CLSTN2: variants seen among roughly 807,000 people sequenced by gnomAD.
CLSTN2 encodes the protein calsyntenin 2, also known as calsyntenin-2.
A neutral mutation model predicts 101.2 loss-of-function variants in CLSTN2; 48 were observed. The ratio of observed to expected loss-of-function variants is 0.47; its 90% CI spans 0.38 to 0.60. The LOEUF (loss-of-function observed/expected upper bound fraction) is 0.60. CLSTN2 is among the 20% of genes least tolerant of loss of function. The pLI is 0.00. For missense variants in CLSTN2, 1,160 were observed against 1,238.2 expected (o/e 0.94, Z 0.95); for synonymous variants, 481 against 463.6 (o/e 1.04, Z -0.48).
intron 8 of CLSTN2, among the ~76,000 whole-genome samples, chr3:140,519,930 T>G (rs1429398782): frequency 6.6e-6 from 1 of 152,238 alleles, no homozygotes; most frequent in Non-Finnish European, 1.5e-5. Flanking sequence ...CAGTGTTTTT[T>G]GTAGTGGCTG....
intron 2 of CLSTN2, among the ~76,000 whole-genome samples, chr3:140,233,062 C>A (rs2086385027): frequency 6.6e-6 from 1 of 152,010 alleles, no homozygotes; most frequent in Non-Finnish European, 1.5e-5. Flanking sequence ...TTCAGTGCAC[C>A]CTATTACCCT....
chr3:140,265,503 A>G (rs1315324781), intron 2 of CLSTN2, among the ~76,000 whole-genome samples: 2 of 152,216 alleles, frequency 1.3e-5, no homozygotes, highest in Non-Finnish European at 2.9e-5. Context: ...AGGCCCCATG[A>G]GGCCAGCCTT....
At chr3:140,424,833 CTG>C (rs1476592849) in intron 5 of CLSTN2, among the ~76,000 whole-genome samples, 1 of 151,940 alleles carries the variant, frequency 6.6e-6, no homozygotes, top group African/African-American at 2.4e-5. Flanking sequence ...GCACAGAAGG[CTG>C]TGACTGGAGA....
At chr3:140,522,496 C>T (rs745601996) in intron 8 of CLSTN2, among the ~76,000 whole-genome samples, 44 of 152,194 alleles carry the variant, frequency 2.9e-4, no homozygotes, top group Non-Finnish European at 5.7e-4. Context: ...TCCTTTGGAG[C>T]AGGGGCTTTT....
chr3:140,251,666 T>C (rs1042684803), intron 2 of CLSTN2, among the ~76,000 whole-genome samples: 1 of 146,446 alleles, frequency 6.8e-6, no homozygotes, highest in Non-Finnish European at 1.5e-5. Flanking sequence ...CTTCCCTTTT[T>C]CCTTCCTTGT....
chr3:140,225,919 A>C (rs191887580), intron 2 of CLSTN2, among the ~76,000 whole-genome samples: 2 of 143,584 alleles, frequency 1.4e-5, no homozygotes, highest in Non-Finnish European at 3.0e-5. Flanking sequence ...ATTTTTTTTA[A>C]AAAAAAAAGG....
intron 8 of CLSTN2, among the ~76,000 whole-genome samples, chr3:140,504,398 C>T (rs768803480): frequency 1.3e-5 from 2 of 151,918 alleles, no homozygotes; most frequent in Non-Finnish European, 2.9e-5. Flanking sequence ...ACTATTCTGG[C>T]CACTGCTTTT....
At chr3:140,440,450 T>G (rs929407109) in intron 5 of CLSTN2, among the ~76,000 whole-genome samples, 4 of 152,240 alleles carry the variant, frequency 2.6e-5, no homozygotes, top group South Asian at 2.1e-4. Flanking sequence ...CGTGTTTTGT[T>G]TCTTTTTAAA....
At chr3:140,352,806 C>A (rs1219253579) in intron 2 of CLSTN2, among the ~76,000 whole-genome samples, 4 of 152,096 alleles carry the variant, frequency 2.6e-5, no homozygotes, top group Admixed American at 2.6e-4. Context: ...TCTCTTTCTA[C>A]CCAACCTCCT....
intron 1 of CLSTN2, among the ~76,000 whole-genome samples, chr3:140,019,468 A>G (rs2007264756): frequency 6.6e-6 from 1 of 152,122 alleles, no homozygotes; most frequent in Non-Finnish European, 1.5e-5. Flanking sequence ...CCTAAAATTA[A>G]ATCTCTGTCT....
rs566353597 is a variant in CLSTN2, at chr3:140,306,498, C to T, written c.233-97131C>T. ...TTAAAACTCTGAGGCCCAGGTTGAA[C>T]CTTTGTAAAGTGGAAGTCAAAGGCA... is the stretch of plus-strand genomic sequence containing the variant. On this transcript the variant is annotated intron_variant, in intron 2 of 16. Transcript: ENST00000458420. Among the ~76,000 whole-genome samples the T allele has an allele frequency of 2.6e-5, 4 of 152,220 alleles. No individual in the cohort carries two copies. The South Asian group carries it at 8.3e-4, about 32-fold the overall frequency.
At chr3:139,955,633 C>A (rs1454673434) in intron 1 of CLSTN2, among the ~76,000 whole-genome samples, 2 of 4,888 alleles carry the variant, frequency 4.1e-4, no homozygotes, top group African/African-American at 4.6e-4. Flanking sequence ...ACAGGGACTT[C>A]TGTGGATTCA....
At chr3:140,271,030 G>T (rs2086737529) in intron 2 of CLSTN2, among the ~76,000 whole-genome samples, 1 of 152,182 alleles carries the variant, frequency 6.6e-6, no homozygotes, top group Admixed American at 6.5e-5. Context: ...CCTCCTGCTA[G>T]ATAATTCTTT....
At chr3:140,164,931 ATGGG>A (rs2010111654) in intron 1 of CLSTN2, among the ~76,000 whole-genome samples, 1 of 152,108 alleles carries the variant, frequency 6.6e-6, no homozygotes, top group Non-Finnish European at 1.5e-5. Flanking sequence ...GGATAGGTAG[ATGGG>A]TGGGTGGATG....
intron 2 of CLSTN2, among the ~76,000 whole-genome samples, chr3:140,257,814 T>A (rs1464592391): frequency 6.6e-6 from 1 of 152,268 alleles, no homozygotes; most frequent in African/African-American, 2.4e-5. Context: ...AATGGCATTG[T>A]CATGATTTTT....
intron 1 of CLSTN2, among the ~76,000 whole-genome samples, chr3:139,968,642 A>G (rs1935643759): frequency 6.6e-6 from 1 of 152,214 alleles, no homozygotes; most frequent in Non-Finnish European, 1.5e-5. Context: ...TTCTTTATAC[A>G]TTACCCAGTT....
chr3:140,364,641 C>T (rs1445744558), intron 2 of CLSTN2, among the ~76,000 whole-genome samples: 1 of 152,068 alleles, frequency 6.6e-6, no homozygotes, highest in Non-Finnish European at 1.5e-5. Flanking sequence ...GAGTCTAGTC[C>T]CTGGGGTCTG....
intron 1 of CLSTN2, among the ~76,000 whole-genome samples, chr3:139,999,118 C>T (rs1279155747): frequency 6.6e-6 from 1 of 152,176 alleles, no homozygotes; most frequent in Non-Finnish European, 1.5e-5. Flanking sequence ...CAGGCATCAG[C>T]CACTTGAGGC....
chr3:140,181,154 C>A (rs752204176), intron 2 of CLSTN2, among the ~76,000 whole-genome samples: 1 of 152,314 alleles, frequency 6.6e-6, no homozygotes, highest in South Asian at 2.1e-4. Context: ...AGATAAGTCA[C>A]TGAACTACTC....
Sources: allele counts gnomAD v4.1 joint callset (sites outside exome capture counted in the v4.1 genomes callset), GRCh38; gene constraint gnomAD v4.1.1; transcripts MANE v1.5; gene names NCBI Gene and HGNC (gene_info 2026-07-23, HGNC 2026-07-21).